EPHB2: variants seen among roughly 807,000 people sequenced by gnomAD.
EPHB2 encodes the protein EPH receptor B2, also known as ephrin type-B receptor 2.
EPHB2 carries 18 observed loss-of-function variants against 96.4 expected under a neutral mutation model. The ratio of observed to expected loss-of-function variants is 0.19; its 90% CI spans 0.13 to 0.28. The LOEUF (loss-of-function observed/expected upper bound fraction) is 0.28, where lower values mean the gene tolerates loss of function less well. Among genes scored for constraint, EPHB2 ranks in the 10% least tolerant of loss-of-function variants. The pLI is 1.00. For synonymous variants in EPHB2, 506 were observed against 534.1 expected (o/e 0.95, Z 0.72); for missense variants, 989 against 1,355.4 (o/e 0.73, Z 4.25).
At position 22,733,040 on chromosome 1, in the gene EPHB2, C is replaced by CCTTT. The variant is rs751624607; in HGVS notation, c.61+22018_61+22021dup. ...TCTGTATGTTCCCCCTCCTAGGCTG[C>CCTTT]CTTTCTTTCTTTCTTTCTTTCTTTT... On this transcript the variant is annotated intron_variant, in intron 1 of 15. Transcript: ENST00000374630. This position sits in a 1 kb window ranked among gnomAD's most constrained non-coding sequence, Gnocchi z 4.6. 2.2e-4 allele frequency among the ~76,000 whole-genome samples: 34 copies of CCTTT among 152,076 alleles called. No individual in the cohort carries two copies. Among genetic ancestry groups the CCTTT allele is most frequent in the South Asian group, 6.2e-4 (3 of 4,822 alleles).
intron 9 of EPHB2, among the ~76,000 whole-genome samples, chr1:22,904,549 T>C (rs1639848769): frequency 6.6e-6 from 1 of 151,974 alleles, no homozygotes; most frequent in South Asian, 2.1e-4. Flanking sequence ...ACCTCAAGGG[T>C]TAAACAAATA....
At chr1:22,890,127 CT>C (rs1174025049) in intron 6 of EPHB2, among the ~76,000 whole-genome samples, 1 of 152,128 alleles carries the variant, frequency 6.6e-6, no homozygotes, top group Non-Finnish European at 1.5e-5. Flanking sequence ...TGGAGAAGGA[CT>C]TTGTGTGAGG....
intron 3 of EPHB2, among the ~76,000 whole-genome samples, chr1:22,803,743 G>GTA (rs373288421): frequency 0.029 from 4,181 of 144,330 alleles, 77 homozygotes; most frequent in Non-Finnish European, 0.039. Flanking sequence ...GTGTGTGTGT[G>GTA]TATATATATA....
intron 1 of EPHB2, among the ~76,000 whole-genome samples, chr1:22,734,975 C>T (rs772347331): frequency 3.3e-5 from 5 of 152,198 alleles, no homozygotes; most frequent in Non-Finnish European, 7.3e-5. Context: ...GGTTTACATA[C>T]ATTATCTCAG....
intron 2 of EPHB2, among the ~76,000 whole-genome samples, chr1:22,782,318 C>A (rs370096731): frequency 1.3e-5 from 2 of 152,296 alleles, no homozygotes; most frequent in African/African-American, 4.8e-5. Context: ...TAGCTATAAT[C>A]ATCATCATCA....
intron 2 of EPHB2, among the ~76,000 whole-genome samples, chr1:22,783,807 C>T (rs1644569240): frequency 6.6e-6 from 1 of 152,182 alleles, no homozygotes; most frequent in African/African-American, 2.4e-5. Flanking sequence ...CGGCCTCCCT[C>T]CAGGTACCCA....
intron 6 of EPHB2, among the ~76,000 whole-genome samples, chr1:22,889,343 C>T (rs1485904957): frequency 6.6e-6 from 1 of 152,198 alleles, no homozygotes; most frequent in African/African-American, 2.4e-5. Flanking sequence ...TCTAAGTGGG[C>T]ACCCACCCAG....
intron 9 of EPHB2, among the ~76,000 whole-genome samples, chr1:22,905,770 C>A (rs2124097605): frequency 6.6e-6 from 1 of 152,310 alleles, no homozygotes; most frequent in Middle Eastern, 3.4e-3. Context: ...ACCTATCTGC[C>A]ACCCCTGCTG....
chr1:22,730,072 G>A (rs1364229335), intron 1 of EPHB2, among the ~76,000 whole-genome samples: 4 of 152,264 alleles, frequency 2.6e-5, no homozygotes, highest in African/African-American at 4.8e-5. Context: ...CCAGGCCCCA[G>A]GGTGGGGGTG....
At chr1:22,777,679 G>A (rs1338753701) in intron 1 of EPHB2, among the ~76,000 whole-genome samples, 1 of 152,234 alleles carries the variant, frequency 6.6e-6, no homozygotes, top group African/African-American at 2.4e-5. Context: ...CATGGAGGCT[G>A]TAGCCACGGA....
intron 3 of EPHB2, among the ~76,000 whole-genome samples, chr1:22,848,575 G>A (rs1645577645): frequency 6.6e-6 from 1 of 152,204 alleles, no homozygotes; most frequent in Non-Finnish European, 1.5e-5. Flanking sequence ...TGGCTGCCAA[G>A]CCACATCTTG....
At chr1:22,893,139 A>C in intron 7 of EPHB2, 93 bp downstream of exon 7, 1 of 1,596,826 alleles carries the variant, frequency 6.3e-7, no homozygotes, top group Non-Finnish European at 8.6e-7. Flanking sequence ...CTTTGTGCAG[A>C]TTAGAAAAGG....
intron 9 of EPHB2, 70 bp downstream of exon 9, chr1:22,896,548 C>T (rs760306359): frequency 6.9e-5 from 109 of 1,581,826 alleles, no homozygotes; most frequent in South Asian, 8.9e-5. Flanking sequence ...ACCTCTTAAG[C>T]CATCTTTGAC....
intron 1 of EPHB2, among the ~76,000 whole-genome samples, chr1:22,759,130 T>C (rs1426448526): frequency 2.6e-5 from 4 of 152,066 alleles, no homozygotes; most frequent in Non-Finnish European, 5.9e-5. Context: ...ACTTGCTCCT[T>C]CCTCTCGGAA....
Position 22,919,998 on chromosome 1 carries a change from AAG to A in EPHB2, c.*6434_*6435del, listed in dbSNP as rs921110871. The stretch of plus-strand genomic sequence containing the variant: ...AAAGCACAAAAAAAAAAGAGCAAGA[AAG>A]AGAGAAAGAGATGGGGAGGGAGACA... On this transcript the variant is annotated 3_prime_UTR_variant, in exon 16 of 16. Coordinates refer to ENST00000374630, the MANE Select transcript of EPHB2 (RefSeq NM_017449.5). 1 of 152,028 alleles carries A rather than the reference AAG, an allele frequency of 6.6e-6. No individual in the cohort carries two copies. The highest frequency in any genetic ancestry group is 1.5e-5 in the Non-Finnish European group (1 of 68,008). 9.4% of individuals were successfully genotyped at this position (152,028 alleles called of 1,614,324 possible).
chr1:22,811,988 A>T (rs1188247331), intron 3 of EPHB2, among the ~76,000 whole-genome samples: 2 of 152,234 alleles, frequency 1.3e-5, no homozygotes, highest in Non-Finnish European at 2.9e-5. Flanking sequence ...GCAGTGAGCC[A>T]TGATCACACT....
intron 3 of EPHB2, among the ~76,000 whole-genome samples, chr1:22,833,268 G>A (rs768453264): frequency 1.9e-4 from 29 of 152,042 alleles, no homozygotes; most frequent in Non-Finnish European, 4.0e-4. Context: ...ACAGGTGCAC[G>A]CCACCATGCC....
At chr1:22,822,812 C>A (rs1036516812) in intron 3 of EPHB2, among the ~76,000 whole-genome samples, 1 of 152,246 alleles carries the variant, frequency 6.6e-6, no homozygotes, top group Non-Finnish European at 1.5e-5. Flanking sequence ...GGGGTCTCCA[C>A]TCCCTGCCTT....
intron 3 of EPHB2, among the ~76,000 whole-genome samples, chr1:22,834,915 ACT>A (rs1046491080): frequency 6.6e-6 from 1 of 151,992 alleles, no homozygotes; most frequent in African/African-American, 2.4e-5. Flanking sequence ...ACAGAGCAAG[ACT>A]CTGTCTCAAA....
Sources: allele counts gnomAD v4.1 joint callset (sites outside exome capture counted in the v4.1 genomes callset), GRCh38; gene constraint gnomAD v4.1.1; non-coding constraint Gnocchi (gnomAD v3.1); transcripts MANE v1.5; gene names NCBI Gene and HGNC (gene_info 2026-07-23, HGNC 2026-07-21).